SLC36A1: variants seen among roughly 807,000 people sequenced by gnomAD.
The protein encoded by SLC36A1 is solute carrier family 36 member 1.
In SLC36A1, 30 loss-of-function variants were observed where a neutral mutation model predicts 47.5. The ratio of observed to expected loss-of-function variants is 0.63; its 90% CI spans 0.47 to 0.86. The LOEUF is 0.86. Among genes scored for constraint, SLC36A1 ranks in the 40% least tolerant of loss-of-function variants. The pLI is 0.00. For missense variants in SLC36A1, 517 were observed against 606.0 expected (o/e 0.85, Z 1.54); for synonymous variants, 255 against 249.7 (o/e 1.02, Z -0.20).
chr5:151,467,315 A>G (rs762368244), intron 6 of SLC36A1, 32 bp downstream of exon 6: 1 of 1,400,754 alleles, frequency 7.1e-7, no homozygotes, highest in Non-Finnish European at 9.8e-7. Flanking sequence ...AAAAAAAAAA[A>G]AAAAACCAGA....
the SLC36A1 span, among the ~76,000 whole-genome samples, chr5:151,367,926 G>C: frequency 2.0e-5 from 3 of 152,094 alleles, no homozygotes; most frequent in African/African-American, 7.2e-5. Context: ...CTTTTGGCAG[G>C]GTGTTAAAAG....
chr5:151,538,966 G>A, the SLC36A1 span, among the ~76,000 whole-genome samples: 24 of 152,126 alleles, frequency 1.6e-4, no homozygotes, highest in Middle Eastern at 3.4e-3. Flanking sequence ...GATTACAGAC[G>A]TGGATGGAAG....
At chr5:151,505,726 C>T in the SLC36A1 span, 1 of 1,613,958 alleles carries the variant, frequency 6.2e-7, no homozygotes, top group African/African-American at 1.3e-5. Context: ...ATACCCACCC[C>T]CTTGTAGCCC....
chr5:151,481,252 T>A (rs1396216389), intron 10 of SLC36A1, among the ~76,000 whole-genome samples: 1 of 152,212 alleles, frequency 6.6e-6, no homozygotes, highest in African/African-American at 2.4e-5. Flanking sequence ...CAGTTGTTTT[T>A]CCCTTCTGTG....
the SLC36A1 span, among the ~76,000 whole-genome samples, chr5:151,520,095 C>T: frequency 3.3e-5 from 5 of 152,246 alleles, no homozygotes; most frequent in Non-Finnish European, 5.9e-5. Context: ...CAGAGAGAAG[C>T]CCACCCAGCC....
At chr5:151,533,432 AC>A in the SLC36A1 span, among the ~76,000 whole-genome samples, 1 of 147,154 alleles carries the variant, frequency 6.8e-6, no homozygotes, top group Non-Finnish European at 1.5e-5. Context: ...ACACACACAC[AC>A]ACACGCTTTC....
chr5:151,467,768 C>T lies in SLC36A1; in HGVS notation c.566C>T (p.Thr189Met), dbSNP rs368459683. The T allele has an allele frequency of 1.2e-5, 19 of 1,613,962 alleles. No homozygotes were observed. The African/African-American group carries it at 2.1e-4, about 18-fold the overall frequency. The change falls in exon 7 of 11, where the codon ACG (threonine) becomes ATG (methionine). Residue 189 changes from threonine to methionine, a missense_variant. Coordinates refer to ENST00000243389, the MANE Select transcript of SLC36A1 (RefSeq NM_078483.4). ...NCHNNETVIL[T>M]PTMDSRLYML... is the part of the protein sequence containing the mutation. Reference sequence around the variant, plus strand: ...CACAACAATGAGACGGTGATTCTGACGCCTACCATGGACTCGCGACTCTAC... The same window carrying T: ...CACAACAATGAGACGGTGATTCTGATGCCTACCATGGACTCGCGACTCTAC...
the SLC36A1 span, chr5:151,540,574 C>T: frequency 6.2e-7 from 1 of 1,612,616 alleles, no homozygotes; most frequent in Non-Finnish European, 8.5e-7. Context: ...CACCTGTGAA[C>T]ACTGTGGGCT....
the SLC36A1 span, chr5:151,521,742 C>G: frequency 1.2e-6 from 2 of 1,614,014 alleles, no homozygotes; most frequent in Non-Finnish European, 1.7e-6. Context: ...GCCACACGTA[C>G]ACATGGACCC....
the SLC36A1 span, among the ~76,000 whole-genome samples, chr5:151,535,205 C>G: frequency 6.6e-6 from 1 of 151,732 alleles, no homozygotes; most frequent in African/African-American, 2.4e-5. Context: ...TGGCTCCTGC[C>G]CGTAACTCCC....
chr5:151,544,678 G>A, the SLC36A1 span: 3,383 of 1,614,054 alleles, frequency 2.1e-3, 18 homozygotes, highest in Non-Finnish European at 2.3e-3. Flanking sequence ...GAGGGATGGC[G>A]TTCCTCCATC....
the SLC36A1 span, chr5:151,525,885 C>T: frequency 4.5e-5 from 73 of 1,614,160 alleles, no homozygotes; most frequent in African/African-American, 5.5e-4. Flanking sequence ...TGATTCGAAA[C>T]GAGTAGGGGG....
the SLC36A1 span, among the ~76,000 whole-genome samples, chr5:151,358,764 G>C: frequency 1.1e-4 from 16 of 151,902 alleles, no homozygotes; most frequent in Non-Finnish European, 1.5e-5. Context: ...ATGAGGTCAG[G>C]AGATCGAGAC....
At chr5:151,448,571 T>G (rs913876050) in intron 1 of SLC36A1, among the ~76,000 whole-genome samples, 2 of 152,244 alleles carry the variant, frequency 1.3e-5, no homozygotes, top group Non-Finnish European at 2.9e-5. Context: ...CGGAATGTGC[T>G]TCTGGGAAGA....
the SLC36A1 span, among the ~76,000 whole-genome samples, chr5:151,380,122 T>C: frequency 6.6e-6 from 1 of 152,038 alleles, no homozygotes; most frequent in African/African-American, 2.4e-5. Flanking sequence ...TACCAGACTA[T>C]TCAAGAAAGA....
chr5:151,442,856 C>T (rs540283135), upstream of SLC36A1, among the ~76,000 whole-genome samples: 1 of 152,068 alleles, frequency 6.6e-6, no homozygotes, highest in East Asian at 1.9e-4. Context: ...GTGTATTTGA[C>T]TTGAAAAAAA....
chr5:151,533,397 C>CAT, the SLC36A1 span, among the ~76,000 whole-genome samples: 1 of 111,642 alleles, frequency 9.0e-6, no homozygotes, highest in Non-Finnish European at 1.7e-5. Flanking sequence ...ATCTCCAACA[C>CAT]ACACACACAC....
the SLC36A1 span, chr5:151,553,216 C>T: frequency 3.2e-5 from 51 of 1,614,134 alleles, no homozygotes; most frequent in African/African-American, 1.1e-4. Flanking sequence ...CTGCCCTCTA[C>T]GCTGATGACC....
the SLC36A1 span, chr5:151,534,644 T>C: frequency 6.2e-7 from 1 of 1,602,136 alleles, no homozygotes; most frequent in Non-Finnish European, 8.5e-7. Context: ...TCAGCTCCCC[T>C]GGTCGGAGAA....
Sources: allele counts gnomAD v4.1 joint callset (sites outside exome capture counted in the v4.1 genomes callset), GRCh38; gene constraint gnomAD v4.1.1; transcripts MANE v1.5; gene names NCBI Gene and HGNC (gene_info 2026-07-23, HGNC 2026-07-21).